Variants in MRPL33 observed in about 807,000 individuals in gnomAD.
MRPL33 encodes the protein mitochondrial ribosomal protein L33, also known as large ribosomal subunit protein bL33m.
In MRPL33, 5 loss-of-function variants were observed where a neutral mutation model predicts 10.1. That is an observed-to-expected ratio of 0.49 (90% CI 0.26 to 1.04). MRPL33 has a LOEUF of 1.04. Among genes scored for constraint, MRPL33 ranks in the 50% least tolerant of loss-of-function variants. The probability of loss-of-function intolerance (pLI) is 0.14; values close to 1 mark genes in which losing one functional copy is unlikely to be tolerated. For synonymous variants in MRPL33, 24 were observed against 27.7 expected (o/e 0.87, Z 0.42); for missense variants, 79 against 78.1 (o/e 1.01, Z -0.04).
At chr2:27,779,246 C>T (rs1311220145) in intron 3 of MRPL33, among the ~76,000 whole-genome samples, 187 bp from the exon 4 acceptor site, 1 of 152,154 alleles carries the variant, frequency 6.6e-6, no homozygotes, top group Non-Finnish European at 1.5e-5. Context: ...GGCCCTATAG[C>T]CATTTTCTCC....
intron 1 of MRPL33, 66 bp downstream of exon 1, chr2:27,771,865 C>T (rs1677054087): frequency 1.3e-6 from 2 of 1,513,248 alleles, no homozygotes; most frequent in East Asian, 2.3e-5. Context: ...CAGGCAGGGC[C>T]CCGGAATGAT....
chr2:27,779,634 C>A lies in MRPL33; in HGVS notation c.*152C>A. On this transcript the variant is annotated 3_prime_UTR_variant, in exon 4 of 4. Coordinates refer to ENST00000296102, the MANE Select transcript of MRPL33 (RefSeq NM_004891.4). The stretch of plus-strand genomic sequence containing the variant: ...AAGGCCATTGTGAAGGAAAACAATG[C>A]AGTGAAAGAAAGTTCTTCATATTAG... The A allele has an allele frequency of 1.4e-6, 2 of 1,476,698 alleles. No homozygotes were observed. The highest frequency in any genetic ancestry group is 1.3e-5 in the South Asian group (1 of 75,172). The allele number at this position is 1,476,698 out of a possible 1,614,324, so 91.5% of individuals were successfully genotyped here.
intron 3 of MRPL33, 127 bp from the exon 4 acceptor site, chr2:27,779,306 C>T: frequency 1.7e-6 from 2 of 1,189,540 alleles, no homozygotes; most frequent in Admixed American, 5.5e-5. Flanking sequence ...AAATCAGCTC[C>T]ATCTTCATAT....
chr2:27,779,397 A>T, intron 3 of MRPL33, 36 bp from the exon 4 acceptor site: 1 of 1,580,144 alleles, frequency 6.3e-7, no homozygotes, highest in Non-Finnish European at 8.6e-7. Context: ...GATACTTAAT[A>T]ATTTTCTGCC....
At chr2:27,774,578 T>C in intron 3 of MRPL33, 48 bp downstream of exon 3, 1 of 1,448,234 alleles carries the variant, frequency 6.9e-7, no homozygotes, top group South Asian at 1.1e-5. Flanking sequence ...GCCCCCTTTG[T>C]AGGCTGAACA....
intron 3 of MRPL33, among the ~76,000 whole-genome samples, chr2:27,778,229 A>C (rs1342462825): frequency 6.6e-6 from 1 of 152,194 alleles, no homozygotes; most frequent in East Asian, 1.9e-4. Context: ...TTACTTAGAT[A>C]AGCTCATTCT....
In MRPL33 at chr2:27,772,656, T is replaced by C. The variant is rs1228444762; in HGVS notation, c.23-18T>C. ...ATATTTTTATTTTCTTTTCCAACCC[T>C]TCCTGTCTACAAAAAAGTTGCCAAG... On this transcript the variant is annotated intron_variant, in intron 1 of 3. Transcript: ENST00000296102. The C allele has an allele frequency of 2.5e-6, 4 of 1,587,684 alleles. No homozygotes were observed. Among genetic ancestry groups the C allele is most frequent in the Admixed American group, 3.4e-5 (2 of 58,502 alleles).
At position 27,779,702 on chromosome 2, in the gene MRPL33, T is replaced by C. The variant is rs1177789318; in HGVS notation, c.*220T>C. The C allele has an allele frequency of 1.2e-6, 1 of 809,262 alleles. No homozygotes were observed. The highest frequency in any genetic ancestry group is 1.8e-6 in the Non-Finnish European group (1 of 555,904). The allele number at this position is 809,262 out of a possible 1,614,324, so 50.1% of individuals were successfully genotyped here. On this transcript the variant is annotated 3_prime_UTR_variant, in exon 4 of 4. Coordinates refer to ENST00000296102, the MANE Select transcript of MRPL33 (RefSeq NM_004891.4). ...CACATTTATTTATCTTTCTGGGTAT[T>C]TTTATAGCCCTTAATAAAAAATATT...
chr2:27,775,865 T>G (rs1042449200), intron 3 of MRPL33, among the ~76,000 whole-genome samples: 3 of 152,182 alleles, frequency 2.0e-5, no homozygotes, highest in Non-Finnish European at 4.4e-5. Context: ...GAGTCTGAAT[T>G]TCAGGATGAT....
chr2:27,774,352 G>T, intron 2 of MRPL33, 72 bp from the exon 3 acceptor site: 1 of 1,217,124 alleles, frequency 8.2e-7, no homozygotes, highest in Admixed American at 1.7e-5. Flanking sequence ...TTCTCAAAAT[G>T]TGCCATCCCC....
intron 1 of MRPL33, chr2:27,772,048 T>G: frequency 2.1e-6 from 1 of 485,728 alleles, no homozygotes; most frequent in Non-Finnish European, 3.6e-6. Flanking sequence ...GACCGTTGAG[T>G]CTGGCTGTGG....
chr2:27,778,999 A>G (rs1356285971), intron 3 of MRPL33, among the ~76,000 whole-genome samples: 1 of 152,194 alleles, frequency 6.6e-6, no homozygotes, highest in Non-Finnish European at 1.5e-5. Flanking sequence ...CATCTCTGGG[A>G]AGTAGAGGTT....
chr2:27,773,803 A>T (rs1449831171), intron 2 of MRPL33, among the ~76,000 whole-genome samples: 1 of 152,222 alleles, frequency 6.6e-6, no homozygotes, highest in East Asian at 1.9e-4. Context: ...GTTGTTTTGG[A>T]ATTACATGAG....
At chr2:27,772,739 A>G in intron 2 of MRPL33, 47 bp downstream of exon 2, 1 of 1,494,414 alleles carries the variant, frequency 6.7e-7, no homozygotes, top group Non-Finnish European at 9.2e-7. Flanking sequence ...TTTATGTTGG[A>G]TTTGTTAGTC....
In MRPL33 at chr2:27,774,552, G is replaced by A. The variant is rs374934094; in HGVS notation, c.148+22G>A. On this transcript the variant is annotated intron_variant, in intron 3 of 3. Coordinates refer to ENST00000296102, the MANE Select transcript of MRPL33 (RefSeq NM_004891.4). ...GTTGGTAAGATCTGGGGAGGTTAAT[G>A]CTTCCAAGGCCTGTTGCCCCCTTTG... 8.2e-6 allele frequency: 13 copies of A among 1,591,782 alleles called. No individual in the cohort carries two copies. The African/African-American group carries it at 1.5e-4, about 18-fold the overall frequency.
At position 27,776,317 on chromosome 2, in the gene MRPL33, G is replaced by A. The variant is rs139682392; in HGVS notation, c.148+1787G>A. Among the ~76,000 whole-genome samples, 215 of 152,380 alleles carry A rather than the reference G, an allele frequency of 1.4e-3. 4 individuals carry two copies. The East Asian group carries it at 0.031, about 22-fold the overall frequency. On this transcript the variant is annotated intron_variant, in intron 3 of 3. Transcript: ENST00000296102. Reference sequence around the variant, plus strand: ...CCCACCTGCTGAATGCCCTGCACGTGTTCGTGATGAAGATGTTTGCCTCGG... The same window carrying A: ...CCCACCTGCTGAATGCCCTGCACGTATTCGTGATGAAGATGTTTGCCTCGG...
At chr2:27,778,268 T>C (rs1677212441) in intron 3 of MRPL33, among the ~76,000 whole-genome samples, 1 of 152,230 alleles carries the variant, frequency 6.6e-6, no homozygotes, top group South Asian at 2.1e-4. Context: ...GAATCTCATA[T>C]GCAGAGTATC....
chr2:27,771,931 C>G lies in MRPL33; in HGVS notation c.22+132C>G. ...GCTGCAGCTGCGTACTTTTCCAGGCCTTCAGGACCACAGCGTCCGGCATGC... is the reference window on the plus strand; with the variant it reads ...GCTGCAGCTGCGTACTTTTCCAGGCGTTCAGGACCACAGCGTCCGGCATGC... On this transcript the variant is annotated intron_variant, in intron 1 of 3. Coordinates refer to ENST00000296102, the MANE Select transcript of MRPL33 (RefSeq NM_004891.4). 6.3e-6 allele frequency: 6 copies of G among 957,364 alleles called. No individual in the cohort carries two copies. In the South Asian group the frequency reaches 9.7e-5, roughly 16 times the overall value. The allele number at this position is 957,364 out of a possible 1,614,324, so 59.3% of individuals were successfully genotyped here. A position where few individuals can be genotyped will look rare whatever the true frequency, so the allele number is the denominator to read the frequency against.
rs201618287 is a variant in MRPL33 at position 27,771,845 on chromosome 2, G to A, written c.22+46G>A. 177 of 1,598,684 alleles carry A rather than the reference G, an allele frequency of 1.1e-4. 2 individuals are homozygous for A. The African/African-American group carries it at 2.2e-3, about 20-fold the overall frequency. ...CGGTAGGGGTTACGGCGAGGGTTAGGGGGCCGTGACAGGCAGGGCCCCGGA... is the reference window on the plus strand; with the variant it reads ...CGGTAGGGGTTACGGCGAGGGTTAGAGGGCCGTGACAGGCAGGGCCCCGGA... On this transcript the variant is annotated intron_variant, in intron 1 of 3. Transcript: ENST00000296102.
Sources: allele counts gnomAD v4.1 joint callset (sites outside exome capture counted in the v4.1 genomes callset), GRCh38; gene constraint gnomAD v4.1.1; transcripts MANE v1.5; gene names NCBI Gene and HGNC (gene_info 2026-07-23, HGNC 2026-07-21).